CTBP2: variants seen among roughly 807,000 people sequenced by gnomAD.
CTBP2 encodes C-terminal-binding protein 2.
Under a neutral mutation model 80.3 loss-of-function variants are expected in CTBP2, and 30 were observed. The ratio of observed to expected loss-of-function variants is 0.37; its 90% CI spans 0.28 to 0.51. CTBP2 has a LOEUF of 0.51. Ranked by LOEUF, CTBP2 falls within the 20% of genes least tolerant of loss-of-function variation. CTBP2 has a pLI of 0.93. For missense variants in CTBP2, 1,212 were observed against 1,375.3 expected (o/e 0.88, Z 1.88); for synonymous variants, 594 against 587.4 (o/e 1.01, Z -0.16).
chr10:125,025,972 G>T, intron 1 of CTBP2: 1 of 1,352,470 alleles, frequency 7.4e-7, no homozygotes, highest in East Asian at 2.3e-5. Flanking sequence ...GTGTGTGTGT[G>T]TGTGGCCTGG....
At chr10:124,989,823 CCGA>C in intron 8 of CTBP2, 125 bp from the exon 11 acceptor site, 1 of 918,194 alleles carries the variant, frequency 1.1e-6, no homozygotes, top group Non-Finnish European at 1.5e-6. Flanking sequence ...CTCACCTTGA[CCGA>C]CCTTCTGGGC....
chr10:124,994,056 G>C, intron 5 of CTBP2, 71 bp from the exon 8 acceptor site: 1 of 1,582,422 alleles, frequency 6.3e-7, no homozygotes, highest in Admixed American at 1.8e-5. Flanking sequence ...AAGGTTTAAA[G>C]AAGAAAGCTG....
chr10:125,096,162 T>C (rs1849515857), intron 2 of CTBP2, among the ~76,000 whole-genome samples: 1 of 152,234 alleles, frequency 6.6e-6, no homozygotes, highest in South Asian at 2.1e-4. Flanking sequence ...CATGTTTGCA[T>C]TCTTGTTCTA....
chr10:125,032,084 C>A (rs540800778), upstream of CTBP2, among the ~76,000 whole-genome samples: 55 of 151,934 alleles, frequency 3.6e-4, no homozygotes, highest in African/African-American at 1.3e-3. Context: ...TTCTCTTGCA[C>A]TGCCCATTTT....
chr10:125,035,280 T>G (rs1321049299), intron 3 of CTBP2, among the ~76,000 whole-genome samples: 2 of 152,220 alleles, frequency 1.3e-5, no homozygotes, highest in African/African-American at 4.8e-5. Flanking sequence ...CTCATTCCTT[T>G]TATCCTCTGT....
At chr10:125,016,802 T>G (rs886835229) in intron 1 of CTBP2, among the ~76,000 whole-genome samples, 1 of 152,218 alleles carries the variant, frequency 6.6e-6, no homozygotes, top group East Asian at 1.9e-4. Flanking sequence ...ATCTAGTAAC[T>G]TCTACAGCAT....
At chr10:125,112,587 C>T (rs139249483) in intron 1 of CTBP2, among the ~76,000 whole-genome samples, 4,913 of 152,080 alleles carry the variant, frequency 0.032, 109 homozygotes, top group Middle Eastern at 0.089. Context: ...TGCCACCATG[C>T]CCGGATAATT....
At chr10:125,089,495 G>A (rs1207356900) in intron 2 of CTBP2, among the ~76,000 whole-genome samples, 1 of 152,128 alleles carries the variant, frequency 6.6e-6, no homozygotes, top group East Asian at 1.9e-4. Flanking sequence ...TGTCAACCTA[G>A]AGCCTCCAAG....
At chr10:125,129,846 GC>G (rs1315948606) in intron 1 of CTBP2, among the ~76,000 whole-genome samples, 1 of 152,158 alleles carries the variant, frequency 6.6e-6, no homozygotes. Context: ...AGCAACCTCT[GC>G]CCGTGAGCTC....
intron 4 of CTBP2, chr10:124,997,754 C>T (rs1367924068): frequency 1.3e-5 from 8 of 594,616 alleles, no homozygotes; most frequent in Admixed American, 3.1e-5. Context: ...GACACGCATT[C>T]TTCCAGAACC....
intron 2 of CTBP2, among the ~76,000 whole-genome samples, chr10:125,105,924 C>T (rs71488650): frequency 0.16 from 25,026 of 152,196 alleles, 2,352 homozygotes; most frequent in African/African-American, 0.25. Flanking sequence ...AAACACAATG[C>T]ACCACCACTC....
intron 1 of CTBP2, among the ~76,000 whole-genome samples, chr10:125,138,816 G>A (rs558481605): frequency 1.3e-5 from 2 of 152,244 alleles, no homozygotes; most frequent in Non-Finnish European, 1.5e-5. Flanking sequence ...GCAAGATGAC[G>A]AACTTAAGAA....
At chr10:125,102,037 A>C (rs545094147) in intron 2 of CTBP2, among the ~76,000 whole-genome samples, 1 of 152,238 alleles carries the variant, frequency 6.6e-6, no homozygotes, top group Non-Finnish European at 1.5e-5. Flanking sequence ...GTCATTCTTG[A>C]CTAAGCTCTT....
At chr10:125,104,473 G>A (rs1851144397) in intron 2 of CTBP2, among the ~76,000 whole-genome samples, 1 of 151,998 alleles carries the variant, frequency 6.6e-6, no homozygotes, top group Admixed American at 6.6e-5. Flanking sequence ...TGTTTGCTCC[G>A]CGTGCCTGAA....
chr10:125,007,485 A>T (rs1395469921), intron 1 of CTBP2, among the ~76,000 whole-genome samples: 1 of 152,258 alleles, frequency 6.6e-6, no homozygotes, highest in Non-Finnish European at 1.5e-5. Flanking sequence ...ACCCAGGAAA[A>T]GCAAAGTGCG....
Position 124,988,410 on chromosome 10 carries a change from G to A in CTBP2, c.*1108C>T, listed in dbSNP as rs900146251. 6.6e-5 allele frequency: 10 copies of A among 152,628 alleles called. No homozygotes were observed. The highest frequency in any genetic ancestry group is 2.4e-4 in the African/African-American group (10 of 41,528). The allele number at this position is 152,628 out of a possible 1,614,324, so 9.5% of individuals were successfully genotyped here. Reference sequence around the variant, plus strand: ...CTTTACAATAAACAAATACAGTAACGGTAACTCACACTAAAACAAAACATA... The same window carrying A: ...CTTTACAATAAACAAATACAGTAACAGTAACTCACACTAAAACAAAACATA... On this transcript the variant is annotated 3_prime_UTR_variant, in exon 9 of 9. Coordinates refer to ENST00000309035, the MANE Select transcript of CTBP2 (RefSeq NM_022802.3).
At chr10:125,073,428 G>A (rs1394153437) in intron 2 of CTBP2, among the ~76,000 whole-genome samples, 1 of 152,208 alleles carries the variant, frequency 6.6e-6, no homozygotes, top group Non-Finnish European at 1.5e-5. Context: ...ATTTTTAGTA[G>A]AGACAGGGCT....
At position 125,026,625 on chromosome 10, in the gene CTBP2, G is replaced by A. The variant is rs752543195; in HGVS notation, c.1135C>T (p.Leu379Phe). ...CCCAGAGAAGCCAAGTCACCATGGAGCAGTTCGCTTCGGTGGCTGAAGCTG... is the reference window on the plus strand; with the variant it reads ...CCCAGAGAAGCCAAGTCACCATGGAACAGTTCGCTTCGGTGGCTGAAGCTG... The change falls in exon 1 of 9, where the codon CTC becomes TTC. Residue 379 changes from leucine to phenylalanine, a missense_variant. Transcript: ENST00000309035. The A allele has an allele frequency of 1.9e-6, 3 of 1,573,232 alleles. No individual in the cohort carries two copies. The highest frequency in any genetic ancestry group is 2.6e-6 in the Non-Finnish European group (3 of 1,159,922).
intron 3 of CTBP2, among the ~76,000 whole-genome samples, chr10:125,038,627 T>C (rs1480528788): frequency 6.6e-6 from 1 of 152,176 alleles, no homozygotes; most frequent in African/African-American, 2.4e-5. Flanking sequence ...AATTCAGCAT[T>C]GTAAATATCT....
Sources: allele counts gnomAD v4.1 joint callset (sites outside exome capture counted in the v4.1 genomes callset), GRCh38; gene constraint gnomAD v4.1.1; transcripts MANE v1.5; gene names NCBI Gene and HGNC (gene_info 2026-07-23, HGNC 2026-07-21).